The following GRIK1 variants were observed in gnomAD, a reference collection of about 807,000 sequenced individuals.
GRIK1 encodes the protein glutamate receptor ionotropic, kainate 1.
Under a neutral mutation model 105.7 loss-of-function variants are expected in GRIK1, and 69 were observed. The ratio of observed to expected loss-of-function variants is 0.65; its 90% CI spans 0.54 to 0.80. The LOEUF (loss-of-function observed/expected upper bound fraction) is 0.80, where lower values mean the gene tolerates loss of function less well. Ranked by LOEUF, GRIK1 falls within the 30% of genes least tolerant of loss-of-function variation. The pLI is 0.00. For missense variants in GRIK1, 1,109 were observed against 1,167.3 expected (o/e 0.95, Z 0.73); for synonymous variants, 438 against 431.3 (o/e 1.02, Z -0.19).
chr21:29,586,249 A>G (rs888355542), intron 12 of GRIK1, among the ~76,000 whole-genome samples: 1 of 152,226 alleles, frequency 6.6e-6, no homozygotes, highest in African/African-American at 2.4e-5. Flanking sequence ...GAACATCAAA[A>G]CATTCATTTC....
intron 1 of GRIK1, among the ~76,000 whole-genome samples, chr21:29,694,519 A>G (rs2063656412): frequency 6.6e-6 from 1 of 152,232 alleles, no homozygotes; most frequent in South Asian, 2.1e-4. Context: ...AGTGAAGTTT[A>G]TCAGCATGTG....
chr21:29,665,476 T>G (rs988740854), intron 4 of GRIK1, among the ~76,000 whole-genome samples: 13 of 152,206 alleles, frequency 8.5e-5, no homozygotes, highest in African/African-American at 3.1e-4. Context: ...ATCATTACAT[T>G]GTCAGGATTT....
intron 1 of GRIK1, among the ~76,000 whole-genome samples, chr21:29,784,461 T>C (rs2145793421): frequency 6.6e-6 from 1 of 152,320 alleles, no homozygotes; most frequent in Admixed American, 6.5e-5. Flanking sequence ...ATCCCCCATA[T>C]ACATACAGTG....
intron 1 of GRIK1, among the ~76,000 whole-genome samples, chr21:29,881,226 G>C (rs1388440919): frequency 2.0e-5 from 3 of 152,062 alleles, no homozygotes; most frequent in Non-Finnish European, 4.4e-5. Context: ...TATTTCTCCT[G>C]TAATTTATGT....
chr21:29,736,903 T>A (rs2064805683), intron 1 of GRIK1, among the ~76,000 whole-genome samples: 1 of 152,036 alleles, frequency 6.6e-6, no homozygotes, highest in East Asian at 1.9e-4. Flanking sequence ...GGTCTCAAAC[T>A]CCTGACCTCA....
At chr21:29,634,137 A>G (rs2062345908) in intron 7 of GRIK1, among the ~76,000 whole-genome samples, 1 of 152,128 alleles carries the variant, frequency 6.6e-6, no homozygotes, top group Admixed American at 6.6e-5. Flanking sequence ...CAAAAACCCC[A>G]CTCCATAGTG....
chr21:29,868,009 A>C (rs2068884006), intron 1 of GRIK1, among the ~76,000 whole-genome samples: 1 of 141,710 alleles, frequency 7.1e-6, no homozygotes. Context: ...GAAAGAAAGA[A>C]AGAAAAGACA....
At chr21:29,867,651 A>T (rs551978035) in intron 1 of GRIK1, among the ~76,000 whole-genome samples, 44 of 152,152 alleles carry the variant, frequency 2.9e-4, no homozygotes, top group Non-Finnish European at 5.0e-4. Flanking sequence ...AGAATTAGCC[A>T]GGCATGGTGG....
In GRIK1 at chr21:29,791,182, TG is replaced by T. The variant is rs368342920; in HGVS notation, c.119-97120del. Among the ~76,000 whole-genome samples the T allele has an allele frequency of 1.2e-4, 18 of 152,224 alleles. No individual in the cohort carries two copies. The East Asian group carries it at 3.3e-3, about 28-fold the overall frequency. Reference sequence around the variant, plus strand: ...AAGAGAAATGCTGGACCAGAGCCCATGGGACTTCGCAAGATGTGGTAAGGGA... The same window carrying T: ...AAGAGAAATGCTGGACCAGAGCCCATGGACTTCGCAAGATGTGGTAAGGGA... On this transcript the variant is annotated intron_variant, in intron 1 of 17. Transcript: ENST00000327783.
chr21:29,938,694 G>A (rs544587185), intron 1 of GRIK1, among the ~76,000 whole-genome samples: 71 of 152,294 alleles, frequency 4.7e-4, no homozygotes, highest in African/African-American at 1.6e-3. Flanking sequence ...TGGCAGGCAA[G>A]CGGGCAAATT....
chr21:29,843,962 T>C (rs1324129288), intron 1 of GRIK1, among the ~76,000 whole-genome samples: 5 of 152,146 alleles, frequency 3.3e-5, no homozygotes, highest in African/African-American at 1.2e-4. Flanking sequence ...TTTCACTCTG[T>C]GATAGTCAGT....
intron 1 of GRIK1, among the ~76,000 whole-genome samples, chr21:29,723,951 T>C (rs1164012355): frequency 6.6e-6 from 1 of 152,216 alleles, no homozygotes; most frequent in Non-Finnish European, 1.5e-5. Flanking sequence ...AGCTGTTCCA[T>C]AGGTCTTATC....
At chr21:29,546,854 A>T (rs1278844156) in intron 16 of GRIK1, among the ~76,000 whole-genome samples, 1 of 152,220 alleles carries the variant, frequency 6.6e-6, no homozygotes. Context: ...ACTCATTTTT[A>T]GTTTGAGAAC....
chr21:29,824,565 C>T (rs2067395209), intron 1 of GRIK1, among the ~76,000 whole-genome samples: 1 of 151,836 alleles, frequency 6.6e-6, no homozygotes, highest in African/African-American at 2.4e-5. Context: ...ATGTTACTTG[C>T]ACAGGGAGCT....
chr21:29,741,910 C>T (rs1309987747), intron 1 of GRIK1, among the ~76,000 whole-genome samples: 1 of 152,162 alleles, frequency 6.6e-6, no homozygotes, highest in Non-Finnish European at 1.5e-5. Context: ...ACTGTTGTTA[C>T]TTGCCAGGCC....
At chr21:29,905,619 A>ATTTTTTTTTTTTTTTTTTTTTTTTTTTT in intron 1 of GRIK1, among the ~76,000 whole-genome samples, 1 of 72,584 alleles carries the variant, frequency 1.4e-5, no homozygotes, top group Non-Finnish European at 2.5e-5. Flanking sequence ...CAAATTTTGT[A>ATTTTTTTTTTTTTTTTTTTTTTTTTTTT]TTTTTTTTTT....
chr21:29,630,905 TCCTCCCAC>T lies in GRIK1; in HGVS notation c.1098+11913_1098+11920del, dbSNP rs1387392371. ...ACCTCTGCCTCCCGGGTTCAAGTGA[TCCTCCCAC>T]CCTCTTGAGTAGCTAGGACCACAGG... On this transcript the variant is annotated intron_variant, in intron 7 of 17. Transcript: ENST00000327783. 2.6e-5 allele frequency among the ~76,000 whole-genome samples: 4 copies of T among 152,202 alleles called. No individual in the cohort carries two copies. In the East Asian group the frequency reaches 7.7e-4, roughly 29 times the overall value.
intron 1 of GRIK1, among the ~76,000 whole-genome samples, chr21:29,731,659 A>G (rs1016851036): frequency 3.3e-5 from 5 of 152,170 alleles, no homozygotes; most frequent in African/African-American, 7.2e-5. Context: ...GGTGTTGGCT[A>G]TTGTTTCTGC....
At chr21:29,802,102 A>G (rs1439694187) in intron 1 of GRIK1, among the ~76,000 whole-genome samples, 1 of 152,188 alleles carries the variant, frequency 6.6e-6, no homozygotes, top group East Asian at 1.9e-4. Context: ...GCTCCCCTCA[A>G]CTGCCAGACA....
Sources: gnomAD v4.1 joint callset for allele counts (sites outside exome capture counted in the v4.1 genomes callset) on GRCh38, gnomAD v4.1.1 for gene constraint, MANE v1.5 for transcripts, NCBI Gene and HGNC (gene_info 2026-07-23, HGNC 2026-07-21) for gene names.